The following ZNF827 variants were observed in gnomAD, a reference collection of about 807,000 sequenced individuals.
ZNF827 encodes the protein zinc finger protein 827.
ZNF827 carries 13 observed loss-of-function variants against 102.4 expected under a neutral mutation model. The observed-to-expected ratio is 0.13, with a 90% CI of 0.08 to 0.20. The LOEUF is 0.20. Among genes scored for constraint, ZNF827 ranks in the 10% least tolerant of loss-of-function variants. The pLI, the probability that ZNF827 is intolerant of heterozygous loss-of-function variation, is 1.00. For synonymous variants in ZNF827, 523 were observed against 536.2 expected (o/e 0.98, Z 0.34); for missense variants, 1,103 against 1,344.4 (o/e 0.82, Z 2.81).
chr4:145,786,475 T>C (rs183466758), intron 8 of ZNF827, among the ~76,000 whole-genome samples: 1 of 152,340 alleles, frequency 6.6e-6, no homozygotes, highest in Admixed American at 6.5e-5. Context: ...GGGTTTTCCA[T>C]TGTGACATAT....
chr4:145,779,433 A>G lies in ZNF827; in HGVS notation c.2462T>C (p.Val821Ala). ...KFNDQLFPCD[V>A]CGKVFGRQQT... is the part of the protein sequence containing the mutation. ...CTGTCGGCCAAACACTTTCCCACAC[A>G]CGTCACAGGGAAAAAGCTGGTCATT... Residue 821 changes from valine (V) to alanine (A), a missense_variant, in exon 9 of 15, where the codon GTG becomes GCG. Val to Ala is a moderately conservative substitution (Grantham distance 64). Around this residue, in one of 5 missense-constraint regions of ZNF827, gnomAD observed 242 missense variants for 361.9 expected, o/e 0.67. Transcript: ENST00000508784. The G allele has an allele frequency of 6.2e-7, 1 of 1,614,172 alleles. No homozygotes were observed. The highest frequency in any genetic ancestry group is 8.5e-7 in the Non-Finnish European group (1 of 1,179,984).
intron 4 of ZNF827, among the ~76,000 whole-genome samples, chr4:145,879,092 G>A (rs959988060): frequency 5.3e-5 from 8 of 152,094 alleles, no homozygotes; most frequent in Non-Finnish European, 8.8e-5. Flanking sequence ...TGAAGCAGAC[G>A]GAGGTCAAAA....
chr4:145,829,279 T>G (rs1466909848), intron 7 of ZNF827, among the ~76,000 whole-genome samples: 1 of 152,208 alleles, frequency 6.6e-6, no homozygotes, highest in African/African-American at 2.4e-5. Context: ...CAGAAGGGAC[T>G]AGATAGATCA....
chr4:145,879,314 T>C (rs1227650052), intron 4 of ZNF827, among the ~76,000 whole-genome samples: 2 of 152,194 alleles, frequency 1.3e-5, no homozygotes, highest in Admixed American at 1.3e-4. Flanking sequence ...ATGATGTGGC[T>C]GGCACAGTGC....
intron 13 of ZNF827, 62 bp downstream of exon 13, chr4:145,764,926 A>C: frequency 1.2e-6 from 2 of 1,600,386 alleles, no homozygotes; most frequent in Non-Finnish European, 1.7e-6. Context: ...GGGACGGGGT[A>C]GGGAAGGGGA....
intron 4 of ZNF827, among the ~76,000 whole-genome samples, chr4:145,877,029 CA>C (rs1318295979): frequency 6.6e-6 from 1 of 151,908 alleles, no homozygotes; most frequent in Non-Finnish European, 1.5e-5. Flanking sequence ...ATTTTGTGCT[CA>C]CCAAATAGCA....
chr4:145,772,202 T>C (rs1736399373), intron 11 of ZNF827, among the ~76,000 whole-genome samples: 1 of 152,216 alleles, frequency 6.6e-6, no homozygotes, highest in Admixed American at 6.5e-5. Flanking sequence ...AATATATTCA[T>C]TCACTGAAGG....
chr4:145,937,982 C>G (rs1405640779), intron 1 of ZNF827, among the ~76,000 whole-genome samples: 1 of 150,500 alleles, frequency 6.6e-6, no homozygotes, highest in Non-Finnish European at 1.5e-5. Context: ...TCCCACCTCC[C>G]CCCACCAAAC....
chr4:145,796,778 C>T (rs941996971), intron 8 of ZNF827, among the ~76,000 whole-genome samples: 5 of 151,964 alleles, frequency 3.3e-5, no homozygotes, highest in African/African-American at 7.3e-5. Context: ...TACAGATGCC[C>T]GCTACCACGC....
chr4:145,900,319 C>G (rs542222458), intron 2 of ZNF827, among the ~76,000 whole-genome samples: 1 of 152,200 alleles, frequency 6.6e-6, no homozygotes, highest in South Asian at 2.1e-4. Context: ...TCCCAACTAA[C>G]AAATGTCCAG....
intron 6 of ZNF827, 32 bp from the exon 7 acceptor site, chr4:145,846,045 T>A (rs779214352): frequency 1.2e-6 from 2 of 1,610,180 alleles, no homozygotes; most frequent in Non-Finnish European, 1.7e-6. Context: ...CATACACCTC[T>A]TAGGTTGTTC....
intron 11 of ZNF827, among the ~76,000 whole-genome samples, chr4:145,767,899 T>A (rs1735557994): frequency 6.6e-6 from 1 of 152,150 alleles, no homozygotes; most frequent in Admixed American, 6.5e-5. Context: ...ATAAAACTGA[T>A]CTACACAAAA....
chr4:145,858,170 T>C (rs930176737), intron 5 of ZNF827, among the ~76,000 whole-genome samples: 9 of 149,048 alleles, frequency 6.0e-5, no homozygotes, highest in African/African-American at 2.0e-4. Flanking sequence ...TGTGTGTGTG[T>C]GTGCACATGT....
chr4:145,910,015 CTAGT>C (rs770789401), intron 1 of ZNF827, among the ~76,000 whole-genome samples: 3 of 152,166 alleles, frequency 2.0e-5, no homozygotes, highest in Non-Finnish European at 4.4e-5. Flanking sequence ...GTAAGAACTG[CTAGT>C]TATTTAAAAC....
At chr4:145,938,013 T>C (rs1579618100) in intron 1 of ZNF827, among the ~76,000 whole-genome samples, 1 of 92,620 alleles carries the variant, frequency 1.1e-5, no homozygotes, top group African/African-American at 4.3e-5. Flanking sequence ...ACCCCCGGCA[T>C]CCACACTACT....
intron 9 of ZNF827, 33 bp downstream of exon 9, chr4:145,779,341 A>T (rs746351585): frequency 6.2e-7 from 1 of 1,607,844 alleles, no homozygotes; most frequent in East Asian, 2.2e-5. Context: ...GATGGAGCAT[A>T]GAGGGCTGAC....
intron 8 of ZNF827, among the ~76,000 whole-genome samples, chr4:145,807,406 A>C (rs1741561179): frequency 6.6e-6 from 1 of 151,284 alleles, no homozygotes; most frequent in South Asian, 2.1e-4. Context: ...GGGGAAACAA[A>C]ACTAAAACCC....
At chr4:145,898,950 G>T (rs1751191981) in intron 2 of ZNF827, among the ~76,000 whole-genome samples, 1 of 151,914 alleles carries the variant, frequency 6.6e-6, no homozygotes, top group African/African-American at 2.4e-5. Context: ...CTTTTTTCTT[G>T]CGCATTTTGA....
rs774020919 is a variant in ZNF827, at chr4:145,902,448, G to A, written c.811C>T (p.His271Tyr). ...AGGAAGGAGCTGGCCGGTGGAGGGTGCTCCTGACCAGGAGTCAAACTTCTT... is the reference window on the plus strand; with the variant it reads ...AGGAAGGAGCTGGCCGGTGGAGGGTACTCCTGACCAGGAGTCAAACTTCTT... ...SERSLTPGQE[H>Y]PPPASSFLSL... Residue 271 changes from histidine to tyrosine, a missense_variant, in exon 2 of 15, where the codon CAC becomes TAC. By Grantham distance (83) the His-to-Tyr change is moderately conservative (BLOSUM62 2). This residue lies in a region of ZNF827 where 441 missense variants were observed against 458.6 expected (regional missense o/e 0.96). Coordinates refer to ENST00000508784, the MANE Select transcript of ZNF827 (RefSeq NM_001306215.2). This position sits in a 1 kb window ranked among gnomAD's most constrained non-coding sequence, Gnocchi z 4.3. 4 of 1,614,162 alleles carry A rather than the reference G, an allele frequency of 2.5e-6. No individual in the cohort carries two copies. In the East Asian group the frequency reaches 8.9e-5, roughly 36 times the overall value.
Sources: gnomAD v4.1 joint callset for allele counts (sites outside exome capture counted in the v4.1 genomes callset) on GRCh38, gnomAD v4.1.1 for gene constraint, gnomAD v4.1.1 regional missense constraint, Gnocchi (gnomAD v3.1) non-coding constraint, MANE v1.5 for transcripts, NCBI Gene and HGNC (gene_info 2026-07-23, HGNC 2026-07-21) for gene names.